The following DENND1A variants were observed in gnomAD, a reference collection of about 807,000 sequenced individuals.
DENND1A encodes the protein DENN domain containing 1A.
In DENND1A, 51 loss-of-function variants were observed where a neutral mutation model predicts 113.7. The ratio of observed to expected loss-of-function variants is 0.45; its 90% confidence interval spans 0.36 to 0.57. The LOEUF (loss-of-function observed/expected upper bound fraction) is 0.57. Among genes scored for constraint, DENND1A ranks in the 20% least tolerant of loss-of-function variants. The probability of loss-of-function intolerance (pLI) is 0.00; values close to 1 mark genes in which losing one functional copy is unlikely to be tolerated. For synonymous variants in DENND1A, 565 were observed against 570.8 expected (o/e 0.99, Z 0.14); for missense variants, 1,258 against 1,395.9 (o/e 0.90, Z 1.57).
At chr9:123,624,533 A>C (rs77078128) in intron 10 of DENND1A, among the ~76,000 whole-genome samples, 79 of 152,344 alleles carry the variant, frequency 5.2e-4, no homozygotes, top group African/African-American at 1.8e-3. Flanking sequence ...TCCTTTGGTC[A>C]TATGTCAGAA....
At chr9:123,525,410 A>T (rs1466009525) in intron 13 of DENND1A, among the ~76,000 whole-genome samples, 1 of 152,216 alleles carries the variant, frequency 6.6e-6, no homozygotes, top group Non-Finnish European at 1.5e-5. Context: ...ATCTCTGAAA[A>T]ACATGCTAAC....
intron 13 of DENND1A, among the ~76,000 whole-genome samples, chr9:123,473,106 G>C (rs1226799179): frequency 6.6e-6 from 1 of 152,056 alleles, no homozygotes; most frequent in African/African-American, 2.4e-5. Flanking sequence ...GGCCGTGTCT[G>C]ACTCGCCTCT....
chr9:123,664,938 C>T lies in DENND1A; in HGVS notation c.507+2088G>A, dbSNP rs60291064. 1.2e-4 allele frequency among the ~76,000 whole-genome samples: 19 copies of T among 152,224 alleles called. No individual in the cohort carries two copies. In the East Asian group the frequency reaches 3.5e-3, roughly 28 times the overall value. Reference sequence around the variant, plus strand: ...CTTCTGCTCTTCCTGCATTACTTTCCCACTTCTTTTTGGATTTCTCCACTG... The same window carrying T: ...CTTCTGCTCTTCCTGCATTACTTTCTCACTTCTTTTTGGATTTCTCCACTG... On this transcript the variant is annotated intron_variant, in intron 8 of 23. Coordinates refer to ENST00000394215, the MANE Select transcript of DENND1A (RefSeq NM_001352964.2).
chr9:123,863,706 A>G (rs1402622121), intron 2 of DENND1A, among the ~76,000 whole-genome samples: 1 of 152,190 alleles, frequency 6.6e-6, no homozygotes, highest in East Asian at 1.9e-4. Flanking sequence ...GGCACTCCCT[A>G]GGGAGAAATA....
At chr9:123,538,774 GT>G (rs2056009981) in intron 13 of DENND1A, among the ~76,000 whole-genome samples, 1 of 137,940 alleles carries the variant, frequency 7.2e-6, no homozygotes. Flanking sequence ...GTGTGTGTGT[GT>G]GTGTGTGTAT....
intron 2 of DENND1A, among the ~76,000 whole-genome samples, chr9:123,876,303 G>A (rs7874299): frequency 0.038 from 5,808 of 152,220 alleles, 114 homozygotes; most frequent in Middle Eastern, 0.048. Flanking sequence ...GCATGATTCC[G>A]GATTGGATTC....
Position 123,607,545 on chromosome 9 carries a change from AGAGTGTGT to A in DENND1A, c.765+1883_765+1890del, listed in dbSNP as rs1187728643. Among the ~76,000 whole-genome samples, 442 of 105,942 alleles carry A rather than the reference AGAGTGTGT, an allele frequency of 4.2e-3. 1 individual carries two copies. Among genetic ancestry groups the A allele is most frequent in the Non-Finnish European group, 6.4e-3 (307 of 48,260 alleles). The allele number at this position is 105,942 out of a possible 152,430, so 69.5% of individuals were successfully genotyped here. On this transcript the variant is annotated intron_variant, in intron 11 of 23. Transcript: ENST00000394215. ...CAGAGAGAGAGAGAGAGAGAGAGAG[AGAGTGTGT>A]GTGTGTGTGTGTGTGTGTGTGTGTG...
intron 5 of DENND1A, among the ~76,000 whole-genome samples, chr9:123,753,470 C>T (rs2070244390): frequency 6.6e-6 from 1 of 152,204 alleles, no homozygotes; most frequent in Admixed American, 6.5e-5. Context: ...TATTGAACCT[C>T]CATTGTGAGA....
intron 13 of DENND1A, among the ~76,000 whole-genome samples, chr9:123,506,409 T>C (rs1003557490): frequency 5.3e-5 from 8 of 151,688 alleles, no homozygotes; most frequent in Non-Finnish European, 1.5e-5. Flanking sequence ...TGGTGAAACC[T>C]TGTCTCTACT....
Position 123,475,864 on chromosome 9 carries a change from CT to C in DENND1A, c.994-17968del, listed in dbSNP as rs985922163. ...AGGTGATCATCTGGGGGGACAGCTT[CT>C]TATACGCCTCCTTCAGGGAGTTTAA... On this transcript the variant is annotated intron_variant, in intron 13 of 23. Transcript: ENST00000394215. 2.4e-4 allele frequency among the ~76,000 whole-genome samples: 37 copies of C among 152,222 alleles called. 2 individuals are homozygous for C. The highest frequency in any genetic ancestry group is 1.5e-5 in the Non-Finnish European group (1 of 68,042).
In DENND1A at chr9:123,804,439, T is replaced by G. The variant is rs938026086; in HGVS notation, c.89-11809A>C. On this transcript the variant is annotated intron_variant, in intron 2 of 23. Transcript: ENST00000394215. ...AAAGCATCCCACTCTCCTGCCTCAC[T>G]GGCTTCTGCAGGCTCCTTGCTGATC... Among the ~76,000 whole-genome samples, 5 of 152,354 alleles carry G rather than the reference T, an allele frequency of 3.3e-5. 1 individual carries two copies. The highest frequency in any genetic ancestry group is 6.5e-5 in the Admixed American group (1 of 15,300).
rs1353612536 is a variant in DENND1A at position 123,929,924 on chromosome 9, T to C, written c.-19A>G. ...AGCCCATGGTCCCCAGGCCTCCTCA[T>C]GGGCCCGCGGGCCCCGCTCGGCGCT... is the stretch of plus-strand genomic sequence containing the variant. On this transcript the variant is annotated 5_prime_UTR_variant, in exon 1 of 24. The change abolishes an upstream ATG in the 5' untranslated region. Transcript: ENST00000394215. 9.3e-6 allele frequency: 3 copies of C among 322,842 alleles called. No individual in the cohort carries two copies. Among genetic ancestry groups the C allele is most frequent in the Non-Finnish European group, 1.2e-5 (2 of 173,374 alleles). 20.0% of individuals were successfully genotyped at this position (322,842 alleles called of 1,614,324 possible). A position where few individuals can be genotyped will look rare whatever the true frequency, so the allele number is the denominator to read the frequency against.
At chr9:123,434,787 C>CG (rs541693189) in intron 19 of DENND1A, among the ~76,000 whole-genome samples, 106 of 152,134 alleles carry the variant, frequency 7.0e-4, no homozygotes, top group South Asian at 4.0e-3. Context: ...AGGCTGGGAG[C>CG]GGGGGTGAGG....
chr9:123,815,992 A>ATTTT (rs1837413758), intron 2 of DENND1A, among the ~76,000 whole-genome samples: 1 of 113,998 alleles, frequency 8.8e-6, no homozygotes, highest in African/African-American at 3.7e-5. Context: ...AAGTGACTGT[A>ATTTT]CTTTTTTTTT....
At chr9:123,878,310 A>G (rs1246474348) in intron 2 of DENND1A, among the ~76,000 whole-genome samples, 2 of 152,140 alleles carry the variant, frequency 1.3e-5, no homozygotes, top group African/African-American at 2.4e-5. Context: ...ACCAAGAAAA[A>G]GAACACTAGA....
intron 13 of DENND1A, among the ~76,000 whole-genome samples, chr9:123,555,495 C>A (rs1451986513): frequency 1.3e-5 from 2 of 152,212 alleles, no homozygotes; most frequent in Non-Finnish European, 2.9e-5. Flanking sequence ...TCCTCAGTTA[C>A]CTCCACCCTC....
intron 2 of DENND1A, among the ~76,000 whole-genome samples, chr9:123,812,301 G>C (rs959322293): frequency 2.6e-5 from 4 of 151,898 alleles, no homozygotes; most frequent in Admixed American, 2.0e-4. Context: ...AAGCAGATTG[G>C]ATCCATTCCT....
rs1421703673 is a variant in DENND1A at position 123,382,004 on chromosome 9, C to T, written c.2641G>A (p.Ala881Thr). 1 of 1,386,588 alleles carries T rather than the reference C, an allele frequency of 7.2e-7. No homozygotes were observed. Among genetic ancestry groups the T allele is most frequent in the Admixed American group, 3.5e-5 (1 of 28,414 alleles). The allele number at this position is 1,386,588 out of a possible 1,614,324, so 85.9% of individuals were successfully genotyped here. Residue 881 changes from alanine to threonine, a missense_variant, in exon 24 of 24, where the codon GCA becomes ACA. Around this residue, in one of 2 missense-constraint regions of DENND1A, gnomAD observed 1,159 missense variants for 1,231.7 expected, o/e 0.94. Transcript: ENST00000394215. ...TGTGGGAATGGGGTGGGTGTCCCTGCAGGGGGGAAGCTGAATTGGGGGGTG... is the reference window on the plus strand; with the variant it reads ...TGTGGGAATGGGGTGGGTGTCCCTGTAGGGGGGAAGCTGAATTGGGGGGTG... ...PFTPQFSFPPAGTPTPFPQPP... is the reference protein window; with the variant it reads ...PFTPQFSFPPTGTPTPFPQPP...
chr9:123,642,109 C>G (rs973605172), intron 9 of DENND1A, among the ~76,000 whole-genome samples: 1 of 152,230 alleles, frequency 6.6e-6, no homozygotes, highest in Non-Finnish European at 1.5e-5. Flanking sequence ...TGTTGATACT[C>G]TGTATTACAG....
Sources: gnomAD v4.1 joint callset for allele counts (sites outside exome capture counted in the v4.1 genomes callset) on GRCh38, gnomAD v4.1.1 for gene constraint, gnomAD v4.1.1 regional missense constraint, MANE v1.5 for transcripts, NCBI Gene and HGNC (gene_info 2026-07-23, HGNC 2026-07-21) for gene names.